Variants in PPA1 observed in about 807,000 individuals in gnomAD.
PPA1 encodes inorganic pyrophosphatase.
Under a neutral mutation model 41.8 loss-of-function variants are expected in PPA1, and 23 were observed. The ratio of observed to expected loss-of-function variants is 0.55; its 90% CI spans 0.40 to 0.78. The LOEUF is 0.78. PPA1 is among the 30% of genes least tolerant of loss of function. The pLI, the probability that PPA1 is intolerant of heterozygous loss-of-function variation, is 0.00. For missense variants in PPA1, 320 were observed against 361.6 expected (o/e 0.89, Z 0.93); for synonymous variants, 101 against 116.8 (o/e 0.86, Z 0.87).
intron 2 of PPA1, among the ~76,000 whole-genome samples, chr10:70,220,889 AC>A (rs1398900054): frequency 7.5e-5 from 1 of 13,326 alleles, no homozygotes; most frequent in Non-Finnish European, 1.3e-4. Context: ...CTTTATATAT[AC>A]TATATATATA....
At chr10:70,206,209 C>T in intron 9 of PPA1, 55 bp downstream of exon 9, 26 of 1,342,312 alleles carry the variant, frequency 1.9e-5, no homozygotes, top group Non-Finnish European at 2.7e-5. Context: ...CCCCATTTAG[C>T]ATCATAGTTT....
chr10:70,216,402 A>G (rs1840081842), intron 4 of PPA1, among the ~76,000 whole-genome samples: 1 of 151,348 alleles, frequency 6.6e-6, no homozygotes, highest in African/African-American at 2.4e-5. Flanking sequence ...CAAGAGAATC[A>G]CTCGAACCTG....
intron 6 of PPA1, 51 bp from the exon 7 acceptor site, chr10:70,209,736 G>C (rs945263805): frequency 6.6e-7 from 1 of 1,512,576 alleles, no homozygotes; most frequent in African/African-American, 1.4e-5. Flanking sequence ...TTTTTAAAAA[G>C]AAAGAAGAGA....
intron 8 of PPA1, among the ~76,000 whole-genome samples, chr10:70,207,964 G>A (rs796693745): frequency 1.2e-4 from 19 of 152,034 alleles, no homozygotes; most frequent in Admixed American, 5.2e-4. Flanking sequence ...AGGCCGAGGC[G>A]GGCAGATCAT....
At chr10:70,222,056 C>T (rs115766799) in intron 2 of PPA1, among the ~76,000 whole-genome samples, 5,306 of 151,852 alleles carry the variant, frequency 0.035, 166 homozygotes, top group East Asian at 0.15. Context: ...TGGGTGAGGC[C>T]GGGGGGTGGT....
rs765294781 is a variant in PPA1, at chr10:70,209,633, G to C, written c.564C>G (p.Asp188Glu). 11 of 1,606,666 alleles carry C rather than the reference G, an allele frequency of 6.8e-6. No individual in the cohort carries two copies. In the African/African-American group the frequency reaches 1.5e-4, roughly 22 times the overall value. ...CAGGAACCTTATACCTTCTAAACCAGTCCACAGTAGCTTCTAAGTAGCCAG... is the reference window on the plus strand; with the variant it reads ...CAGGAACCTTATACCTTCTAAACCACTCCACAGTAGCTTCTAAGTAGCCAG... ...LKPGYLEATVDWFRRYKVPDG... is the reference protein window; with the variant it reads ...LKPGYLEATVEWFRRYKVPDG... Residue 188 changes from aspartate to glutamate, a missense_variant, in exon 7 of 11, where the codon GAC becomes GAG. Transcript: ENST00000373232.
Position 70,233,384 on chromosome 10 carries a change from C to T in PPA1, c.-57G>A. On this transcript the variant is annotated 5_prime_UTR_variant, in exon 1 of 11. Coordinates refer to ENST00000373232, the MANE Select transcript of PPA1 (RefSeq NM_021129.4). Reference sequence around the variant, plus strand: ...AGAGCCACCAGCCCGCACGCGGCGCCGACTGACAAGGAGAGAGCCCCACGC... The same window carrying T: ...AGAGCCACCAGCCCGCACGCGGCGCTGACTGACAAGGAGAGAGCCCCACGC... The T allele has an allele frequency of 1.3e-6, 2 of 1,524,526 alleles. No individual in the cohort carries two copies. The highest frequency in any genetic ancestry group is 1.8e-6 in the Non-Finnish European group (2 of 1,140,086). The allele number at this position is 1,524,526 out of a possible 1,614,324, so 94.4% of individuals were successfully genotyped here.
At chr10:70,215,814 A>G (rs1840074146) in intron 4 of PPA1, among the ~76,000 whole-genome samples, 1 of 152,158 alleles carries the variant, frequency 6.6e-6, no homozygotes, top group Admixed American at 6.6e-5. Context: ...AAGTATCATC[A>G]CTGACCAGGA....
chr10:70,232,397 G>A (rs1564587428), intron 1 of PPA1, among the ~76,000 whole-genome samples: 3 of 152,246 alleles, frequency 2.0e-5, no homozygotes, highest in South Asian at 2.1e-4. Flanking sequence ...GGAGTAAGAG[G>A]ATAAAGAAAA....
chr10:70,215,458 T>C (rs1283907479), intron 4 of PPA1, among the ~76,000 whole-genome samples: 2 of 151,874 alleles, frequency 1.3e-5, no homozygotes, highest in African/African-American at 2.4e-5. Flanking sequence ...GGAAAGGTTG[T>C]TTTTCTTCTT....
At chr10:70,204,585 A>T in intron 10 of PPA1, 1 of 298,080 alleles carries the variant, frequency 3.4e-6, no homozygotes, top group Non-Finnish European at 6.2e-6. Flanking sequence ...CAAAAGGAAT[A>T]AGCTTTAGTG....
At chr10:70,232,293 CTG>C (rs1840296818) in intron 1 of PPA1, among the ~76,000 whole-genome samples, 1 of 152,190 alleles carries the variant, frequency 6.6e-6, no homozygotes, top group Non-Finnish European at 1.5e-5. Flanking sequence ...CCAAATAAAA[CTG>C]TAAAGAGGTT....
At chr10:70,220,799 A>T (rs188046877) in intron 2 of PPA1, among the ~76,000 whole-genome samples, 100 of 1,832 alleles carry the variant, frequency 0.055, 42 homozygotes, top group African/African-American at 0.13. Context: ...ATATATATAT[A>T]ATATATATAA....
At chr10:70,212,154 T>C in intron 6 of PPA1, among the ~76,000 whole-genome samples, 1 of 152,236 alleles carries the variant, frequency 6.6e-6, no homozygotes, top group East Asian at 1.9e-4. Flanking sequence ...TCCTTGAGAA[T>C]GGAGTATCTG....
chr10:70,221,059 TATATATATATA>T, intron 2 of PPA1, among the ~76,000 whole-genome samples: 1 of 12,718 alleles, frequency 7.9e-5, no homozygotes, highest in South Asian at 2.3e-3. Context: ...ATATATAATT[TATATATATATA>T]TATATATTTT....
At chr10:70,212,286 T>A (rs74394758) in intron 6 of PPA1, among the ~76,000 whole-genome samples, 1,945 of 152,356 alleles carry the variant, frequency 0.013, 15 homozygotes, top group Non-Finnish European at 0.021. Flanking sequence ...CCAGGTTATA[T>A]TACAATACTA....
chr10:70,219,663 C>G (rs973927484), intron 2 of PPA1, among the ~76,000 whole-genome samples: 3 of 152,102 alleles, frequency 2.0e-5, no homozygotes, highest in African/African-American at 4.8e-5. Flanking sequence ...ATATTTTAAT[C>G]AATGATAGTT....
In PPA1 at chr10:70,233,393, A is replaced by G. The variant is rs1261472019; in HGVS notation, c.-66T>C. On this transcript the variant is annotated 5_prime_UTR_variant, in exon 1 of 11. Transcript: ENST00000373232. ...AGCCCGCACGCGGCGCCGACTGACA[A>G]GGAGAGAGCCCCACGCCTGCGCACT... 8 of 1,519,320 alleles carry G rather than the reference A, an allele frequency of 5.3e-6. No homozygotes were observed. Among genetic ancestry groups the G allele is most frequent in the Admixed American group, 2.0e-5 (1 of 49,170 alleles). 94.1% of individuals were successfully genotyped at this position (1,519,320 alleles called of 1,614,324 possible).
At chr10:70,226,015 G>T (rs1264697360) in intron 2 of PPA1, among the ~76,000 whole-genome samples, 1 of 152,222 alleles carries the variant, frequency 6.6e-6, no homozygotes, top group Non-Finnish European at 1.5e-5. Context: ...ACTTAGAATT[G>T]TGACTTAGCA....
Sources: gnomAD v4.1 joint callset for allele counts (sites outside exome capture counted in the v4.1 genomes callset) on GRCh38, gnomAD v4.1.1 for gene constraint, MANE v1.5 for transcripts, NCBI Gene and HGNC (gene_info 2026-07-23, HGNC 2026-07-21) for gene names.